The following EXOG variants were observed in gnomAD, a reference collection of about 807,000 sequenced individuals.
EXOG encodes exo/endonuclease G.
EXOG carries 27 observed loss-of-function variants against 25.8 expected under a neutral mutation model. The ratio of observed to expected loss-of-function variants is 1.05; its 90% CI spans 0.77 to 1.45. The LOEUF (loss-of-function observed/expected upper bound fraction) is 1.45, where lower values mean the gene tolerates loss of function less well. Among genes scored for constraint, EXOG ranks in the 40% most tolerant of loss-of-function variants. The pLI is 0.00. For synonymous variants in EXOG, 133 were observed against 167.0 expected (o/e 0.80, Z 1.57); for missense variants, 458 against 450.5 (o/e 1.02, Z -0.15).
intron 5 of EXOG, among the ~76,000 whole-genome samples, chr3:38,510,715 T>G (rs1476067336): frequency 6.6e-6 from 1 of 150,452 alleles, no homozygotes; most frequent in East Asian, 1.9e-4. Context: ...AAATAAAATA[T>G]TAAAAGATAT....
intron 2 of EXOG, chr3:38,498,926 G>A (rs903095969): frequency 1.3e-5 from 6 of 456,540 alleles, no homozygotes; most frequent in African/African-American, 1.2e-4. Flanking sequence ...TGGTTTCTAG[G>A]TAGATTCTTC....
At chr3:38,501,150 A>G (rs1352506498) in intron 2 of EXOG, 1 of 528,124 alleles carries the variant, frequency 1.9e-6, no homozygotes, top group Non-Finnish European at 3.4e-6. Flanking sequence ...GCTACACTGT[A>G]TGAAAAGCAT....
At chr3:38,518,846 T>C (rs1471021362) in intron 5 of EXOG, among the ~76,000 whole-genome samples, 1 of 152,172 alleles carries the variant, frequency 6.6e-6, no homozygotes, top group East Asian at 1.9e-4. Flanking sequence ...ATCAAGGCTT[T>C]AAGGATCAAG....
intron 5 of EXOG, among the ~76,000 whole-genome samples, chr3:38,521,024 C>T (rs1044393780): frequency 3.3e-5 from 5 of 152,200 alleles, no homozygotes; most frequent in South Asian, 4.2e-4. Context: ...AAATATTTTA[C>T]GATTGATGTT....
At chr3:38,519,492 G>A (rs1265027576) in intron 5 of EXOG, 9 of 152,202 alleles carry the variant, frequency 5.9e-5, no homozygotes, top group African/African-American at 2.2e-4. Flanking sequence ...CTAAAGGGGA[G>A]GAAATTGAAA....
chr3:38,497,519 A>G, intron 1 of EXOG, 110 bp from the exon 2 acceptor site: 2 of 1,407,060 alleles, frequency 1.4e-6, no homozygotes, highest in Non-Finnish European at 1.8e-6. Context: ...TCCTTTGTAA[A>G]TCACACCGCT....
At position 38,506,974 on chromosome 3, in the gene EXOG, G is replaced by T. The variant is rs755605761; in HGVS notation, c.645+6G>T. The stretch of plus-strand genomic sequence containing the variant: ...AGAAAATAGTTAGTTACCAGGTAAG[G>T]ATGTTTAATAGTCAGGTTTATGTTA... On this transcript the variant is annotated splice_donor_region_variant and intron_variant, in intron 5 of 5. Coordinates refer to ENST00000287675, the MANE Select transcript of EXOG (RefSeq NM_005107.4). The T allele has an allele frequency of 1.2e-5, 14 of 1,188,362 alleles. 1 individual carries two copies. The South Asian group carries it at 1.7e-4, about 15-fold the overall frequency. 73.6% of individuals were successfully genotyped at this position (1,188,362 alleles called of 1,614,324 possible).
chr3:38,516,687 TG>T (rs1212518931), intron 5 of EXOG, among the ~76,000 whole-genome samples: 1 of 151,432 alleles, frequency 6.6e-6, no homozygotes, highest in East Asian at 1.9e-4. Context: ...TCCTTTATAC[TG>T]TTTTTTTTTT....
chr3:38,497,359 A>G (rs1341701149), intron 1 of EXOG: 3 of 1,183,320 alleles, frequency 2.5e-6, no homozygotes, highest in Non-Finnish European at 3.1e-6. Flanking sequence ...AAAGACTAAT[A>G]AGATCAAGTC....
chr3:38,509,386 G>T (rs2060300629), intron 5 of EXOG, among the ~76,000 whole-genome samples: 2 of 152,092 alleles, frequency 1.3e-5, no homozygotes, highest in South Asian at 4.1e-4. Context: ...TAAAATATGT[G>T]TTGCCCAAAT....
At chr3:38,503,374 G>T (rs1575617804) in intron 3 of EXOG, among the ~76,000 whole-genome samples, 1 of 152,270 alleles carries the variant, frequency 6.6e-6, no homozygotes, top group East Asian at 1.9e-4. Context: ...CACGTTATAG[G>T]TTTGGATTTT....
At chr3:38,508,396 G>A (rs1203263800) in intron 5 of EXOG, among the ~76,000 whole-genome samples, 1 of 152,150 alleles carries the variant, frequency 6.6e-6, no homozygotes, top group African/African-American at 2.4e-5. Flanking sequence ...TGAAGAGCAG[G>A]TGTTCTTAGA....
rs370717841 is a variant in EXOG, at chr3:38,505,785, T to C, written c.531-1069T>C. Among the ~76,000 whole-genome samples, 25 of 152,000 alleles carry C rather than the reference T, an allele frequency of 1.6e-4. No homozygotes were observed. The East Asian group carries it at 3.5e-3, about 21-fold the overall frequency. On this transcript the variant is annotated intron_variant, in intron 4 of 5. Transcript: ENST00000287675. Reference sequence around the variant, plus strand: ...GTCTGGGCAACGTGGCAAAACTGTCTATTTTAGTAGACACTAAAAATAAAA... The same window carrying C: ...GTCTGGGCAACGTGGCAAAACTGTCCATTTTAGTAGACACTAAAAATAAAA...
At chr3:38,513,773 G>C (rs1049414614) in intron 5 of EXOG, 1 of 151,830 alleles carries the variant, frequency 6.6e-6, no homozygotes, top group Non-Finnish European at 1.5e-5. Context: ...CTTTTACTAG[G>C]TACCTGGTGC....
intron 5 of EXOG, among the ~76,000 whole-genome samples, chr3:38,513,353 T>C (rs1170745166): frequency 2.0e-5 from 3 of 152,232 alleles, no homozygotes; most frequent in Non-Finnish European, 4.4e-5. Flanking sequence ...TTTGAGTTTG[T>C]AATCCAAGAT....
At chr3:38,512,207 G>A (rs895183561) in intron 5 of EXOG, among the ~76,000 whole-genome samples, 3 of 151,926 alleles carry the variant, frequency 2.0e-5, no homozygotes, top group African/African-American at 7.3e-5. Flanking sequence ...AGTCATAACT[G>A]GCAAACTATC....
rs894323049 is a variant in EXOG at position 38,512,987 on chromosome 3, G to A, written c.645+6019G>A. ...AATTTTTAAGTTTCTTTTTTGTAGA[G>A]GTGGGGGTCTCACTATGTTGCCCCA... is the stretch of plus-strand genomic sequence containing the variant. On this transcript the variant is annotated intron_variant, in intron 5 of 5. Coordinates refer to ENST00000287675, the MANE Select transcript of EXOG (RefSeq NM_005107.4). Among the ~76,000 whole-genome samples the A allele has an allele frequency of 4.0e-4, 61 of 152,032 alleles. 1 individual carries two copies. Among genetic ancestry groups the A allele is most frequent in the African/African-American group, 1.4e-3 (58 of 41,362 alleles).
chr3:38,498,215 T>C (rs1199248207), intron 2 of EXOG, among the ~76,000 whole-genome samples: 1 of 152,154 alleles, frequency 6.6e-6, no homozygotes, highest in East Asian at 1.9e-4. Flanking sequence ...ATTACAATAA[T>C]TTTTCCAAAG....
intron 5 of EXOG, among the ~76,000 whole-genome samples, chr3:38,514,192 G>A (rs1180756538): frequency 6.6e-6 from 1 of 152,210 alleles, no homozygotes; most frequent in Non-Finnish European, 1.5e-5. Context: ...GATCAGGTTA[G>A]TAGCATAATC....
Sources: allele counts gnomAD v4.1 joint callset (sites outside exome capture counted in the v4.1 genomes callset), GRCh38; gene constraint gnomAD v4.1.1; transcripts MANE v1.5; gene names NCBI Gene and HGNC (gene_info 2026-07-23, HGNC 2026-07-21).